The following SRGAP3 variants were observed in gnomAD, a reference collection of about 807,000 sequenced individuals.
SRGAP3 encodes the protein SLIT-ROBO Rho GTPase-activating protein 3.
SRGAP3 carries 39 observed loss-of-function variants against 121.1 expected under a neutral mutation model. The observed-to-expected ratio is 0.32, with a 90% CI of 0.25 to 0.42. The LOEUF (loss-of-function observed/expected upper bound fraction) is 0.42, where lower values mean the gene tolerates loss of function less well. Among genes scored for constraint, SRGAP3 ranks in the 10% least tolerant of loss-of-function variants. The pLI, the probability that SRGAP3 is intolerant of heterozygous loss-of-function variation, is 1.00. For missense variants in SRGAP3, 1,213 were observed against 1,470.6 expected, an observed-to-expected ratio of 0.82 and a Z score of 2.86; for synonymous variants, 601 against 570.0, an observed-to-expected ratio of 1.05 and a Z score of -0.77.
chr3:9,036,356 G>A (rs534178215), intron 11 of SRGAP3: 9 of 152,320 alleles, frequency 5.9e-5, no homozygotes, highest in African/African-American at 2.2e-4. Context: ...GGAGGTAAGG[G>A]GAGACTTTTA....
Position 8,985,446 on chromosome 3 carries a change from G to T in SRGAP3, c.*73C>A. ...CAAGGCCAGGGTCACTGGGAAGCAC[G>T]TGGAAGCCACCAAGGCCACCCTGGG... On this transcript the variant is annotated 3_prime_UTR_variant, in exon 22 of 22. Coordinates refer to ENST00000383836, the MANE Select transcript of SRGAP3 (RefSeq NM_014850.4). This position sits in a 1 kb window ranked among gnomAD's most constrained non-coding sequence, Gnocchi z 5.1. 6.3e-7 allele frequency: 1 copy of T among 1,585,746 alleles called. No homozygotes were observed. The highest frequency in any genetic ancestry group is 8.5e-7 in the Non-Finnish European group (1 of 1,173,314).
At chr3:9,293,683 C>T (rs547287431) in intron 3 of SRGAP3, among the ~76,000 whole-genome samples, 1 of 152,162 alleles carries the variant, frequency 6.6e-6, no homozygotes, top group South Asian at 2.1e-4. Context: ...AGGACATGAA[C>T]AGACACTTCT....
chr3:9,011,681 A>AG (rs61113650), intron 17 of SRGAP3, among the ~76,000 whole-genome samples: 5,978 of 152,234 alleles, frequency 0.039, 384 homozygotes, highest in African/African-American at 0.14. Flanking sequence ...CTCCTGCACC[A>AG]GGGGTCAACC....
intron 1 of SRGAP3, among the ~76,000 whole-genome samples, chr3:9,359,849 A>G (rs4684640): frequency 0.082 from 12,466 of 152,272 alleles, 658 homozygotes; most frequent in Admixed American, 0.16. Flanking sequence ...TTGTTTGTCT[A>G]TTCATTAGCT....
At chr3:9,073,896 A>G (rs1026904215) in intron 4 of SRGAP3, among the ~76,000 whole-genome samples, 2 of 152,260 alleles carry the variant, frequency 1.3e-5, no homozygotes, top group Admixed American at 6.5e-5. Context: ...GGAAGGAGAC[A>G]TGGCTAACTG....
intron 1 of SRGAP3, among the ~76,000 whole-genome samples, chr3:9,152,697 A>G (rs1307059808): frequency 6.6e-6 from 1 of 152,194 alleles, no homozygotes; most frequent in Non-Finnish European, 1.5e-5. Context: ...GTCCCTGGAC[A>G]TTGTGGTGGT....
At chr3:9,065,287 T>G (rs1226204166) in intron 4 of SRGAP3, 1 of 152,200 alleles carries the variant, frequency 6.6e-6, no homozygotes, top group East Asian at 1.9e-4. Flanking sequence ...ATGGATATTG[T>G]TATTACAGGG....
chr3:9,127,272 G>C (rs1949270431), intron 1 of SRGAP3, among the ~76,000 whole-genome samples: 1 of 152,082 alleles, frequency 6.6e-6, no homozygotes, highest in Non-Finnish European at 1.5e-5. Context: ...AGGAGGTCCA[G>C]GCTGCAGTGA....
chr3:9,114,642 G>C (rs1170266356), intron 2 of SRGAP3, among the ~76,000 whole-genome samples: 1 of 152,130 alleles, frequency 6.6e-6, no homozygotes, highest in Non-Finnish European at 1.5e-5. Flanking sequence ...TTTCTGGATG[G>C]ATTCTTGGTA....
intron 1 of SRGAP3, among the ~76,000 whole-genome samples, chr3:9,178,783 C>A (rs1416747200): frequency 3.3e-5 from 5 of 152,162 alleles, no homozygotes; most frequent in Non-Finnish European, 7.4e-5. Flanking sequence ...CTCTTCTAAC[C>A]TCAAGGCCCC....
rs879117001 is a variant in SRGAP3 at position 8,980,832 on chromosome 3, C to G, written c.*4687G>C. ...GTCACAATTTGGGGAGGAAGGAAACCAAAGGAAACAAAATAGACCAGCCAC... is the reference window on the plus strand; with the variant it reads ...GTCACAATTTGGGGAGGAAGGAAACGAAAGGAAACAAAATAGACCAGCCAC... On this transcript the variant is annotated 3_prime_UTR_variant, in exon 22 of 22. Coordinates refer to ENST00000383836, the MANE Select transcript of SRGAP3 (RefSeq NM_014850.4). 4.3e-6 allele frequency: 1 copy of G among 232,646 alleles called. No homozygotes were observed. The highest frequency in any genetic ancestry group is 8.5e-6 in the Non-Finnish European group (1 of 117,630). 14.4% of individuals were successfully genotyped at this position (232,646 alleles called of 1,614,324 possible).
intron 3 of SRGAP3, among the ~76,000 whole-genome samples, chr3:9,276,913 G>C (rs745874250): frequency 6.6e-6 from 1 of 152,184 alleles, no homozygotes; most frequent in East Asian, 1.9e-4. Flanking sequence ...CTTACCCTGC[G>C]CTCAGCACTG....
At chr3:9,205,690 G>A (rs1952241953) in intron 1 of SRGAP3, among the ~76,000 whole-genome samples, 1 of 152,194 alleles carries the variant, frequency 6.6e-6, no homozygotes, top group South Asian at 2.1e-4. Flanking sequence ...GAATGCAGGT[G>A]CATTATTCAA....
In SRGAP3 at chr3:9,204,989, T is replaced by A. The variant is rs186433371; in HGVS notation, c.67+43896A>T. Reference sequence around the variant, plus strand: ...AGCTTCCATGGGCCATAAACATTGATCACCATTTAGACTACAGCACCTTGG... The same window carrying A: ...AGCTTCCATGGGCCATAAACATTGAACACCATTTAGACTACAGCACCTTGG... On this transcript the variant is annotated intron_variant, in intron 1 of 21. Coordinates refer to ENST00000383836, the MANE Select transcript of SRGAP3 (RefSeq NM_014850.4). Among the ~76,000 whole-genome samples, 172 of 152,326 alleles carry A rather than the reference T, an allele frequency of 1.1e-3. 1 individual carries two copies. Among genetic ancestry groups the A allele is most frequent in the African/African-American group, 4.0e-3 (167 of 41,588 alleles).
intron 3 of SRGAP3, among the ~76,000 whole-genome samples, chr3:9,287,393 C>T (rs939751137): frequency 1.3e-5 from 2 of 152,148 alleles, no homozygotes; most frequent in Non-Finnish European, 2.9e-5. Flanking sequence ...CTACTGGTGA[C>T]GAGTTCTCTC....
chr3:9,105,084 G>C (rs932890072), intron 2 of SRGAP3, among the ~76,000 whole-genome samples: 7 of 152,258 alleles, frequency 4.6e-5, no homozygotes, highest in Non-Finnish European at 8.8e-5. Flanking sequence ...CTCTAGCACT[G>C]AATGTGGTGC....
At chr3:9,192,612 T>C (rs1452220480) in intron 1 of SRGAP3, 1 of 152,280 alleles carries the variant, frequency 6.6e-6, no homozygotes, top group Non-Finnish European at 1.5e-5. Flanking sequence ...GACTCCGACC[T>C]ATGCACCTTT....
rs1948541348 is a variant in SRGAP3 at position 9,109,573 on chromosome 3, G to A, written c.261-4731C>T. Among the ~76,000 whole-genome samples, 1 of 152,198 alleles carries A rather than the reference G, an allele frequency of 6.6e-6. No individual in the cohort carries two copies. The highest frequency in any genetic ancestry group is 6.5e-5 in the Admixed American group (1 of 15,282). ...CTGGGCAGGACTAGGTGCTGCGAGT[G>A]CAGGAGCAACCAAGGCTGCAAGACC... is the stretch of plus-strand genomic sequence containing the variant. On this transcript the variant is annotated intron_variant, in intron 2 of 21. Transcript: ENST00000383836. The surrounding 1 kb of genome is among the most constrained non-coding windows in gnomAD (Gnocchi z 4.4).
intron 1 of SRGAP3, among the ~76,000 whole-genome samples, chr3:9,172,035 A>G (rs1259715456): frequency 6.7e-6 from 1 of 149,050 alleles, no homozygotes; most frequent in African/African-American, 2.5e-5. Flanking sequence ...CTATGTCCCA[A>G]TTCTCCCTTT....
Sources: allele counts gnomAD v4.1 joint callset (sites outside exome capture counted in the v4.1 genomes callset), GRCh38; gene constraint gnomAD v4.1.1; non-coding constraint Gnocchi (gnomAD v3.1); transcripts MANE v1.5; gene names NCBI Gene and HGNC (gene_info 2026-07-23, HGNC 2026-07-21).